The following MEGF10 variants were observed in gnomAD, a reference collection of about 807,000 sequenced individuals.
MEGF10 encodes the protein multiple epidermal growth factor-like domains protein 10.
A neutral mutation model predicts 147.5 loss-of-function variants in MEGF10; 86 were observed. The ratio of observed to expected loss-of-function variants is 0.58; its 90% CI spans 0.49 to 0.70. The LOEUF is 0.70. Among genes scored for constraint, MEGF10 ranks in the 30% least tolerant of loss-of-function variants. MEGF10 has a pLI of 0.00. For synonymous variants in MEGF10, 478 were observed against 525.5 expected, an observed-to-expected ratio of 0.91 and a Z score of 1.24; for missense variants, 1,329 against 1,487.3, an observed-to-expected ratio of 0.89 and a Z score of 1.75.
intron 1 of MEGF10, among the ~76,000 whole-genome samples, chr5:127,302,254 G>A (rs1162682275): frequency 6.6e-6 from 1 of 152,192 alleles, no homozygotes; most frequent in East Asian, 1.9e-4. Context: ...TAAACAAAAT[G>A]TGATATATTT....
At chr5:127,449,287 ATC>A (rs1766070011) in intron 22 of MEGF10, 65 bp downstream of exon 22, 2 of 1,590,088 alleles carry the variant, frequency 1.3e-6, no homozygotes, top group Admixed American at 3.6e-5. Flanking sequence ...ACAGTCACGG[ATC>A]TCTGTTTGTG....
chr5:127,391,060 A>T (rs543809871), intron 5 of MEGF10, among the ~76,000 whole-genome samples: 1 of 149,548 alleles, frequency 6.7e-6, no homozygotes, highest in Admixed American at 6.7e-5. Context: ...TATTGTCTTT[A>T]TGTGTATATA....
chr5:127,348,304 G>C (rs1761966414), intron 4 of MEGF10, among the ~76,000 whole-genome samples: 1 of 152,060 alleles, frequency 6.6e-6, no homozygotes, highest in African/African-American at 2.4e-5. Flanking sequence ...CTCAGCAGAA[G>C]AGTGTCCCTG....
chr5:127,445,172 T>C (rs1475573454), intron 19 of MEGF10: 6 of 411,902 alleles, frequency 1.5e-5, no homozygotes, highest in South Asian at 5.2e-5. Context: ...GCTAGATCAG[T>C]TCTCCCGCCT....
chr5:127,292,724 A>G (rs1287331419), intron 1 of MEGF10, among the ~76,000 whole-genome samples: 1 of 152,240 alleles, frequency 6.6e-6, no homozygotes, highest in East Asian at 1.9e-4. Flanking sequence ...ATCTACACTC[A>G]GTTCACAGCC....
intron 5 of MEGF10, among the ~76,000 whole-genome samples, chr5:127,393,366 T>C (rs1561616365): frequency 6.6e-6 from 1 of 152,252 alleles, no homozygotes. Flanking sequence ...CTTGTAGTTA[T>C]CAGGGATGAG....
Position 127,312,371 on chromosome 5 carries a change from G to A in MEGF10, c.-18-18920G>A, listed in dbSNP as rs61557647. Among the ~76,000 whole-genome samples, 13 of 152,286 alleles carry A rather than the reference G, an allele frequency of 8.5e-5. No individual in the cohort carries two copies. The East Asian group carries it at 2.1e-3, about 25-fold the overall frequency. ...AGCTGCTTTTATGGGGAGCTTTTTG[G>A]CACCGTGTCCGACATACACTCCAGT... On this transcript the variant is annotated intron_variant, in intron 1 of 24. Transcript: ENST00000503335.
chr5:127,403,351 T>A (rs1476875523), intron 8 of MEGF10, among the ~76,000 whole-genome samples: 3 of 152,292 alleles, frequency 2.0e-5, no homozygotes, highest in East Asian at 1.9e-4. Context: ...GTACATGAGA[T>A]GTTTTGATAC....
At chr5:127,408,694 G>A (rs1351687714) in intron 8 of MEGF10, among the ~76,000 whole-genome samples, 1 of 152,174 alleles carries the variant, frequency 6.6e-6, no homozygotes, top group Non-Finnish European at 1.5e-5. Flanking sequence ...ACCTGAAGAT[G>A]TCTAGAATCT....
chr5:127,238,222 AT>A, the MEGF10 span, among the ~76,000 whole-genome samples: 28 of 151,680 alleles, frequency 1.8e-4, no homozygotes, highest in Non-Finnish European at 4.0e-4. Context: ...CACCCAGCTA[AT>A]TTCTGTATTT....
chr5:127,265,081 C>T, the MEGF10 span, among the ~76,000 whole-genome samples: 1 of 152,154 alleles, frequency 6.6e-6, no homozygotes, highest in Non-Finnish European at 1.5e-5. Context: ...CCCCTCACCA[C>T]AACAGGCCCC....
In MEGF10 at chr5:127,417,609, G is replaced by T. The variant is rs772015754; in HGVS notation, c.1131-29G>T. The T allele has an allele frequency of 1.1e-5, 17 of 1,613,214 alleles. No individual in the cohort carries two copies. The East Asian group carries it at 3.8e-4, about 36-fold the overall frequency. On this transcript the variant is annotated intron_variant, in intron 9 of 24. Coordinates refer to ENST00000503335, the MANE Select transcript of MEGF10 (RefSeq NM_001256545.2). The stretch of plus-strand genomic sequence containing the variant: ...TTGGGTGTCATGTTTACCCCAAAGT[G>T]ACTTATTCCTTTCATCCATGTCTCT...
At chr5:127,439,073 G>T (rs1765658233) in intron 17 of MEGF10, among the ~76,000 whole-genome samples, 1 of 152,204 alleles carries the variant, frequency 6.6e-6, no homozygotes, top group African/African-American at 2.4e-5. Context: ...GTCTGGGCTG[G>T]CACCTGAGAA....
At chr5:127,395,258 C>A (rs999894023) in intron 5 of MEGF10, among the ~76,000 whole-genome samples, 10 of 152,032 alleles carry the variant, frequency 6.6e-5, no homozygotes, top group Non-Finnish European at 1.3e-4. Flanking sequence ...TCCTTCCCTG[C>A]TCCCCTTTTC....
chr5:127,386,747 A>G (rs564353915), intron 5 of MEGF10, among the ~76,000 whole-genome samples: 2 of 152,356 alleles, frequency 1.3e-5, no homozygotes, highest in South Asian at 4.1e-4. Flanking sequence ...AACAAATAAT[A>G]CAAACCAAGG....
At chr5:127,251,839 G>A in the MEGF10 span, among the ~76,000 whole-genome samples, 55 of 151,958 alleles carry the variant, frequency 3.6e-4, no homozygotes, top group Admixed American at 9.9e-4. Context: ...TGCAAAAGAC[G>A]TAGTAACATA....
chr5:127,364,827 T>C (rs1337319539), intron 4 of MEGF10, among the ~76,000 whole-genome samples: 1 of 152,284 alleles, frequency 6.6e-6, no homozygotes, highest in Admixed American at 6.5e-5. Context: ...GAACACCCTC[T>C]ATCATCCTTT....
chr5:127,407,377 C>G (rs1764374153), intron 8 of MEGF10, among the ~76,000 whole-genome samples: 1 of 152,178 alleles, frequency 6.6e-6, no homozygotes, highest in African/African-American at 2.4e-5. Flanking sequence ...TACACGTTAA[C>G]TCACTTACTT....
chr5:127,385,547 A>G (rs1270671440), intron 5 of MEGF10, among the ~76,000 whole-genome samples: 1 of 152,248 alleles, frequency 6.6e-6, no homozygotes, highest in African/African-American at 2.4e-5. Flanking sequence ...TGCTGGAATT[A>G]CAGGCATGAG....
Sources: allele counts gnomAD v4.1 joint callset (sites outside exome capture counted in the v4.1 genomes callset), GRCh38; gene constraint gnomAD v4.1.1; transcripts MANE v1.5; gene names NCBI Gene and HGNC (gene_info 2026-07-23, HGNC 2026-07-21).